ZNF383: variants seen among roughly 807,000 people sequenced by gnomAD.
ZNF383 encodes zinc finger protein 383.
ZNF383 carries 32 observed loss-of-function variants against 44.2 expected under a neutral mutation model. That is an observed-to-expected ratio of 0.72 (90% CI 0.55 to 0.97). ZNF383 has a LOEUF of 0.97. Among genes scored for constraint, ZNF383 ranks in the 50% least tolerant of loss-of-function variants. ZNF383 has a pLI of 0.00. For missense variants in ZNF383, 487 were observed against 562.5 expected, an observed-to-expected ratio of 0.87 and a Z score of 1.36; for synonymous variants, 155 against 186.2, an observed-to-expected ratio of 0.83 and a Z score of 1.36.
intron 3 of ZNF383, among the ~76,000 whole-genome samples, chr19:37,234,758 C>T (rs553025529): frequency 8.2e-4 from 125 of 152,266 alleles, no homozygotes; most frequent in African/African-American, 2.6e-3. Context: ...AATAATTTGA[C>T]GTGCAAGTTG....
chr19:37,230,306 C>A (rs1229840758), intron 2 of ZNF383, 103 bp from the exon 3 acceptor site: 16 of 732,970 alleles, frequency 2.2e-5, no homozygotes, highest in Non-Finnish European at 1.6e-5. Context: ...AGTTGTATCT[C>A]AAGACCAAGA....
At chr19:37,230,366 T>C in intron 2 of ZNF383, 43 bp from the exon 3 acceptor site, 2 of 1,432,456 alleles carry the variant, frequency 1.4e-6, no homozygotes, top group African/African-American at 2.8e-5. Context: ...TAGAGGGTTT[T>C]ACTTCCCCAG....
chr19:37,242,899 T>G lies in ZNF383; in HGVS notation c.663T>G (p.Thr221=), dbSNP rs761613173. The change falls in exon 6 of 6, where the codon ACT becomes ACG. Residue 221 remains threonine (T), a synonymous_variant. Transcript: ENST00000684119. ...TTACTCGGCATCTGAAAATTCATAC[T>G]GGCGAAAAACCCTTTGAATGTAAGG... The part of the protein sequence containing the change: ...SHVTRHLKIH[T]GEKPFECKEC... 13 of 1,614,068 alleles carry G rather than the reference T, an allele frequency of 8.1e-6. No homozygotes were observed. Among genetic ancestry groups the G allele is most frequent in the Non-Finnish European group, 1.1e-5 (13 of 1,179,950 alleles).
intron 2 of ZNF383, among the ~76,000 whole-genome samples, chr19:37,228,367 GA>G (rs1195125317): frequency 6.6e-6 from 1 of 151,396 alleles, no homozygotes; most frequent in African/African-American, 2.4e-5. Context: ...TATAATTGTA[GA>G]ACAAAGATTA....
intron 3 of ZNF383, among the ~76,000 whole-genome samples, chr19:37,235,074 A>G (rs1459817425): frequency 6.6e-6 from 1 of 152,072 alleles, no homozygotes; most frequent in Non-Finnish European, 1.5e-5. Context: ...GGAGTTCGAG[A>G]CCAGCCTGGC....
chr19:37,235,963 C>G lies in ZNF383; in HGVS notation c.137-16C>G. ...CCCCCAGCATAACCATGTTCCATAT[C>G]TTTTCTCGTGAGCAGGACTTTACAC... On this transcript the variant is annotated splice_polypyrimidine_tract_variant and intron_variant, in intron 4 of 5. Transcript: ENST00000684119. The G allele has an allele frequency of 6.2e-7, 1 of 1,603,398 alleles. No individual in the cohort carries two copies. The highest frequency in any genetic ancestry group is 8.5e-7 in the Non-Finnish European group (1 of 1,174,488).
rs1053779201 is a variant in ZNF383, at chr19:37,247,058, A to T, written c.*3394A>T. On this transcript the variant is annotated 3_prime_UTR_variant, in exon 6 of 6. Transcript: ENST00000684119. ...CCTAATATATACATTATTTAAATGT[A>T]CATGAAAATGAAAACAATTGAAAAA... The T allele has an allele frequency of 1.3e-5, 2 of 152,216 alleles. No homozygotes were observed. The highest frequency in any genetic ancestry group is 2.9e-5 in the Non-Finnish European group (2 of 68,042). 9.4% of individuals were successfully genotyped at this position (152,216 alleles called of 1,614,324 possible).
intron 3 of ZNF383, among the ~76,000 whole-genome samples, chr19:37,234,561 T>G (rs1973675887): frequency 6.6e-6 from 1 of 152,040 alleles, no homozygotes; most frequent in African/African-American, 2.4e-5. Context: ...GGCTAATTTT[T>G]TTGTATTTTT....
chr19:37,227,934 A>G (rs1460954610), intron 2 of ZNF383, among the ~76,000 whole-genome samples: 3 of 152,242 alleles, frequency 2.0e-5, no homozygotes, highest in Non-Finnish European at 4.4e-5. Context: ...AGCCAGGTGT[A>G]CAGGGCGGAA....
intron 5 of ZNF383, among the ~76,000 whole-genome samples, chr19:37,239,886 G>A (rs1044703304): frequency 7.9e-5 from 12 of 152,050 alleles, no homozygotes; most frequent in African/African-American, 2.2e-4. Flanking sequence ...TCTGCCGGGC[G>A]CAGTGGCTCA....
Position 37,242,982 on chromosome 19 carries a change from C to T in ZNF383, c.746C>T (p.Thr249Ile). 1 of 1,613,916 alleles carries T rather than the reference C, an allele frequency of 6.2e-7. No individual in the cohort carries two copies. The highest frequency in any genetic ancestry group is 8.5e-7 in the Non-Finnish European group (1 of 1,179,916). ...CTTTCTCAACATCAGAGAATCCATACCGGTAAGAAACCCTATGAATGTAAG... is the reference window on the plus strand; with the variant it reads ...CTTTCTCAACATCAGAGAATCCATATCGGTAAGAAACCCTATGAATGTAAG... ...SYLSQHQRIH[T>I]GKKPYECKEC... is the part of the protein sequence containing the mutation. The change falls in exon 6 of 6, where the codon ACC becomes ATC. Residue 249 changes from threonine to isoleucine, a missense_variant. By Grantham distance (89) the Thr-to-Ile change is moderately conservative. Coordinates refer to ENST00000684119, the MANE Select transcript of ZNF383 (RefSeq NM_001387601.1).
chr19:37,226,332 A>G (rs1459854656), intron 2 of ZNF383: 3 of 152,150 alleles, frequency 2.0e-5, no homozygotes, highest in East Asian at 1.9e-4. Flanking sequence ...ATTTATTACA[A>G]CTAATGAACC....
chr19:37,233,554 C>T (rs1184366760), intron 3 of ZNF383, among the ~76,000 whole-genome samples: 8 of 151,738 alleles, frequency 5.3e-5, no homozygotes, highest in Non-Finnish European at 1.0e-4. Context: ...CTCAGACTCC[C>T]GAGTAGCTGG....
intron 1 of ZNF383, among the ~76,000 whole-genome samples, chr19:37,223,463 C>G (rs556365568): frequency 4.6e-5 from 7 of 151,976 alleles, no homozygotes; most frequent in East Asian, 1.9e-4. Flanking sequence ...TTTAGGAAAC[C>G]GAGGCAGGAG....
chr19:37,225,957 C>CTTTTTTT (rs35639012), intron 2 of ZNF383, among the ~76,000 whole-genome samples: 3 of 138,084 alleles, frequency 2.2e-5, no homozygotes, highest in Non-Finnish European at 1.6e-5. Flanking sequence ...GTCTAACTAA[C>CTTTTTTT]TTTTTTTTTT....
intron 2 of ZNF383, among the ~76,000 whole-genome samples, chr19:37,227,110 C>CT (rs35250551): frequency 0.035 from 3,221 of 91,930 alleles, 227 homozygotes; most frequent in African/African-American, 0.097. Flanking sequence ...CCCAGCCAGG[C>CT]TTTTTTTTTT....
intron 2 of ZNF383, among the ~76,000 whole-genome samples, chr19:37,228,253 C>T (rs1485916984): frequency 1.3e-5 from 2 of 152,092 alleles, no homozygotes; most frequent in South Asian, 2.1e-4. Flanking sequence ...ACAGAGGGCT[C>T]GCATTTTTGT....
intron 1 of ZNF383, among the ~76,000 whole-genome samples, chr19:37,223,193 T>G (rs1973005924): frequency 6.6e-6 from 1 of 152,216 alleles, no homozygotes; most frequent in Non-Finnish European, 1.5e-5. Flanking sequence ...AACAGTGTGA[T>G]TGACAAGCTT....
intron 2 of ZNF383, among the ~76,000 whole-genome samples, chr19:37,226,068 C>A (rs1036963490): frequency 2.7e-5 from 4 of 149,826 alleles, no homozygotes; most frequent in African/African-American, 9.8e-5. Flanking sequence ...GCAATTTATT[C>A]TTTGAACCAC....
Sources: allele counts gnomAD v4.1 joint callset (sites outside exome capture counted in the v4.1 genomes callset), GRCh38; gene constraint gnomAD v4.1.1; transcripts MANE v1.5; gene names NCBI Gene and HGNC (gene_info 2026-07-23, HGNC 2026-07-21).